The following CPEB3 variants were observed in gnomAD, a reference collection of about 807,000 sequenced individuals.
CPEB3 encodes the protein cytoplasmic polyadenylation element binding protein 3.
A neutral mutation model predicts 67.2 loss-of-function variants in CPEB3; 20 were observed. The ratio of observed to expected loss-of-function variants is 0.30; its 90% confidence interval spans 0.21 to 0.43. The LOEUF is 0.43. Ranked by LOEUF, CPEB3 falls within the 20% of genes least tolerant of loss-of-function variation. The pLI, the probability that CPEB3 is intolerant of heterozygous loss-of-function variation, is 1.00. For synonymous variants in CPEB3, 376 were observed against 393.1 expected, an observed-to-expected ratio of 0.96 and a Z score of 0.51; for missense variants, 746 against 968.6, an observed-to-expected ratio of 0.77 and a Z score of 3.05.
intron 1 of CPEB3, among the ~76,000 whole-genome samples, chr10:92,246,479 A>AT (rs1852073873): frequency 6.6e-6 from 1 of 151,872 alleles, no homozygotes. Flanking sequence ...TAAGAAATAG[A>AT]TTTTTTAAAT....
At chr10:92,150,252 C>T (rs1449756225) in intron 4 of CPEB3, among the ~76,000 whole-genome samples, 2 of 151,528 alleles carry the variant, frequency 1.3e-5, no homozygotes, top group Non-Finnish European at 2.9e-5. Context: ...TGCTCTCTCT[C>T]TCTCTTTTTT....
intron 6 of CPEB3, chr10:92,137,645 G>A (rs563837087): frequency 1.8e-4 from 104 of 588,440 alleles, no homozygotes; most frequent in Admixed American, 3.7e-4. Context: ...ACACTGTGTG[G>A]CTTGTATGAA....
chr10:92,156,485 G>A (rs974766186), intron 4 of CPEB3, among the ~76,000 whole-genome samples: 16 of 152,170 alleles, frequency 1.1e-4, no homozygotes, highest in Admixed American at 1.0e-3. Context: ...CAAGGCCTGA[G>A]AAAACTAGAG....
chr10:92,059,952 C>CAAAAA (rs557616121), intron 9 of CPEB3, among the ~76,000 whole-genome samples: 2 of 60,810 alleles, frequency 3.3e-5, no homozygotes, highest in Non-Finnish European at 7.7e-5. Context: ...CGAGACTCCT[C>CAAAAA]AAAAAAAAAA....
intron 1 of CPEB3, among the ~76,000 whole-genome samples, chr10:92,262,429 A>C (rs1371060269): frequency 6.6e-6 from 1 of 152,210 alleles, no homozygotes; most frequent in Non-Finnish European, 1.5e-5. Flanking sequence ...CAACTCTAAG[A>C]GTTAAGTACC....
At chr10:92,087,968 A>AGG (rs980920214) in intron 8 of CPEB3, among the ~76,000 whole-genome samples, 8 of 152,114 alleles carry the variant, frequency 5.3e-5, no homozygotes, top group Non-Finnish European at 1.0e-4. Flanking sequence ...TCCTAATGTG[A>AGG]GGGCAGGGTG....
At position 92,081,511 on chromosome 10, in the gene CPEB3, A is replaced by C. The variant is rs759621354; in HGVS notation, c.1688-10T>G. ...ATCATTGCCAGTTCAACTGCAAAAA[A>C]AAAACAAAACATGGATGTGTATAAA... On this transcript the variant is annotated splice_polypyrimidine_tract_variant and intron_variant, in intron 8 of 9. Transcript: ENST00000265997. The C allele has an allele frequency of 1.9e-5, 31 of 1,609,178 alleles. No individual in the cohort carries two copies. Among genetic ancestry groups the C allele is most frequent in the Middle Eastern group, 1.7e-4 (1 of 6,056 alleles).
chr10:92,213,259 C>A (rs1242169362), intron 2 of CPEB3, among the ~76,000 whole-genome samples: 1 of 152,122 alleles, frequency 6.6e-6, no homozygotes, highest in Non-Finnish European at 1.5e-5. Context: ...GCTTGCTCAG[C>A]AAGTTTAGGA....
intron 2 of CPEB3, among the ~76,000 whole-genome samples, chr10:92,217,206 CAAAA>C (rs1163974877): frequency 3.5e-4 from 9 of 25,448 alleles, no homozygotes; most frequent in African/African-American, 1.7e-3. Flanking sequence ...GACTCTGCCT[CAAAA>C]AAAAAAAAAA....
intron 6 of CPEB3, among the ~76,000 whole-genome samples, chr10:92,121,493 T>C (rs1190809032): frequency 6.6e-6 from 1 of 151,078 alleles, no homozygotes. Flanking sequence ...GTGTTCACTG[T>C]ATTATTCTTA....
Position 92,157,128 on chromosome 10 carries a change from C to T in CPEB3, c.1223-12043G>A, listed in dbSNP as rs550512583. ...TAAATTACGACTCCTCCTTCAGCTTCTGCAAATGAGCACCAAAGTAACTTA... is the reference window on the plus strand; with the variant it reads ...TAAATTACGACTCCTCCTTCAGCTTTTGCAAATGAGCACCAAAGTAACTTA... On this transcript the variant is annotated intron_variant, in intron 4 of 9. Coordinates refer to ENST00000265997, the MANE Select transcript of CPEB3 (RefSeq NM_014912.5). 1.5e-3 allele frequency among the ~76,000 whole-genome samples: 227 copies of T among 152,320 alleles called. 4 individuals are homozygous for T. Among genetic ancestry groups the T allele is most frequent in the South Asian group, 4.1e-3 (20 of 4,826 alleles).
intron 2 of CPEB3, among the ~76,000 whole-genome samples, chr10:92,202,745 T>C (rs1849576065): frequency 6.6e-6 from 1 of 151,844 alleles, no homozygotes; most frequent in African/African-American, 2.4e-5. Context: ...GATTGACTGC[T>C]AGTGAGTTTG....
At chr10:92,072,211 T>G (rs1242481152) in intron 9 of CPEB3, among the ~76,000 whole-genome samples, 3 of 152,206 alleles carry the variant, frequency 2.0e-5, no homozygotes, top group African/African-American at 7.2e-5. Context: ...AAAAGGAACT[T>G]AAGTCTTTAC....
Position 92,133,584 on chromosome 10 carries a change from G to A in CPEB3, c.1453+9445C>T, listed in dbSNP as rs569385447. 2.0e-5 allele frequency among the ~76,000 whole-genome samples: 3 copies of A among 152,234 alleles called. No individual in the cohort carries two copies. In the South Asian group the frequency reaches 6.2e-4, roughly 32 times the overall value. On this transcript the variant is annotated intron_variant, in intron 6 of 9. Coordinates refer to ENST00000265997, the MANE Select transcript of CPEB3 (RefSeq NM_014912.5). ...GATTCACAGCCAAATTCTACCAGAG[G>A]TACAAAGAAGAGCTGGTACCATTCC...
chr10:92,183,234 T>C (rs1425725022), intron 3 of CPEB3, among the ~76,000 whole-genome samples: 5 of 152,212 alleles, frequency 3.3e-5, no homozygotes, highest in Non-Finnish European at 5.9e-5. Context: ...TACTAGAAGC[T>C]AATTATTAGG....
intron 2 of CPEB3, among the ~76,000 whole-genome samples, chr10:92,209,693 C>A (rs1478621397): frequency 1.3e-5 from 2 of 151,952 alleles, no homozygotes; most frequent in Non-Finnish European, 2.9e-5. Flanking sequence ...GTAATCCCAG[C>A]ACTTTGGGAG....
At chr10:92,070,338 T>A (rs1842706374) in intron 9 of CPEB3, among the ~76,000 whole-genome samples, 1 of 152,184 alleles carries the variant, frequency 6.6e-6, no homozygotes, top group African/African-American at 2.4e-5. Context: ...CAAAATTTTT[T>A]AAATAAAATA....
chr10:92,187,097 G>C (rs1848728886), intron 3 of CPEB3, among the ~76,000 whole-genome samples: 1 of 152,196 alleles, frequency 6.6e-6, no homozygotes, highest in African/African-American at 2.4e-5. Context: ...AATTCCGTAA[G>C]AGGGGACAAA....
At chr10:92,131,495 A>T (rs1845840968) in intron 6 of CPEB3, among the ~76,000 whole-genome samples, 1 of 152,230 alleles carries the variant, frequency 6.6e-6, no homozygotes, top group African/African-American at 2.4e-5. Context: ...ATAACATATA[A>T]GTGAGAAAAT....
Sources: gnomAD v4.1 joint callset for allele counts (sites outside exome capture counted in the v4.1 genomes callset) on GRCh38, gnomAD v4.1.1 for gene constraint, MANE v1.5 for transcripts, NCBI Gene and HGNC (gene_info 2026-07-23, HGNC 2026-07-21) for gene names.